The following MAP3K5 variants were observed in gnomAD, a reference collection of about 807,000 sequenced individuals.
The protein encoded by MAP3K5 is ASK-1.
In MAP3K5, 56 loss-of-function variants were observed where a neutral mutation model predicts 158.7. The ratio of observed to expected loss-of-function variants is 0.35; its 90% CI spans 0.28 to 0.44. The LOEUF (loss-of-function observed/expected upper bound fraction) is 0.44. Among genes scored for constraint, MAP3K5 ranks in the 20% least tolerant of loss-of-function variants. The probability of loss-of-function intolerance (pLI) is 1.00; values close to 1 mark genes in which losing one functional copy is unlikely to be tolerated. For synonymous variants in MAP3K5, 579 were observed against 601.7 expected (o/e 0.96, Z 0.55); for missense variants, 1,294 against 1,674.8 (o/e 0.77, Z 3.97).
At chr6:136,746,778 C>T (rs1170935142) in intron 1 of MAP3K5, among the ~76,000 whole-genome samples, 1 of 152,188 alleles carries the variant, frequency 6.6e-6, no homozygotes, top group African/African-American at 2.4e-5. Flanking sequence ...CTCTTCAGTA[C>T]CTCTGGTGGC....
rs779243516 is a variant in MAP3K5 at position 136,562,560 on chromosome 6, C to G, written c.3817G>C (p.Ala1273Pro). Residue 1273 changes from alanine (A) to proline (P), a missense_variant, in exon 27 of 30, where the codon GCT (alanine) becomes CCT (proline). Coordinates refer to ENST00000359015, the MANE Select transcript of MAP3K5 (RefSeq NM_005923.4). Reference protein sequence around the residue: ...EKELQALLHRAIEEKDQEIKH... With the variant: ...EKELQALLHRPIEEKDQEIKH... Reference sequence around the variant, plus strand: ...ATTTCTTGGTCTTTTTCTTCAATAGCTCGATGAAGGAGTGCTTGTAATTCT... The same window carrying G: ...ATTTCTTGGTCTTTTTCTTCAATAGGTCGATGAAGGAGTGCTTGTAATTCT... 6.2e-7 allele frequency: 1 copy of G among 1,604,466 alleles called. No homozygotes were observed. Among genetic ancestry groups the G allele is most frequent in the Non-Finnish European group, 8.5e-7 (1 of 1,175,616 alleles).
At chr6:136,666,130 G>A (rs1445103431) in intron 8 of MAP3K5, among the ~76,000 whole-genome samples, 1 of 152,196 alleles carries the variant, frequency 6.6e-6, no homozygotes, top group Non-Finnish European at 1.5e-5. Flanking sequence ...ATATGGCTCT[G>A]TGTTTTTAAA....
At chr6:136,573,567 A>G (rs1358451389) in intron 25 of MAP3K5, among the ~76,000 whole-genome samples, 1 of 152,230 alleles carries the variant, frequency 6.6e-6, no homozygotes, top group Non-Finnish European at 1.5e-5. Context: ...CAGTGACTGA[A>G]TCCAGTGGTA....
At chr6:136,632,925 T>C (rs540709637) in intron 14 of MAP3K5, among the ~76,000 whole-genome samples, 1 of 152,288 alleles carries the variant, frequency 6.6e-6, no homozygotes, top group Non-Finnish European at 1.5e-5. Flanking sequence ...CACGTCAAAA[T>C]ACATCCTTGA....
intron 1 of MAP3K5, among the ~76,000 whole-genome samples, chr6:136,738,862 T>C (rs1162281192): frequency 6.6e-6 from 1 of 151,990 alleles, no homozygotes; most frequent in Non-Finnish European, 1.5e-5. Context: ...CCAATGTTCA[T>C]GAAATCCCTA....
In MAP3K5 at chr6:136,703,582, G is replaced by T. The variant is rs189399457; in HGVS notation, c.612+1528C>A. On this transcript the variant is annotated intron_variant, in intron 3 of 29. Transcript: ENST00000359015. ...CCAATCAGTATTTGTTTAAAAAAACGTGTGAGATAAATTAAACAGTTTCAC... is the reference window on the plus strand; with the variant it reads ...CCAATCAGTATTTGTTTAAAAAAACTTGTGAGATAAATTAAACAGTTTCAC... Among the ~76,000 whole-genome samples, 99 of 151,680 alleles carry T rather than the reference G, an allele frequency of 6.5e-4. 1 individual carries two copies. In the Middle Eastern group the frequency reaches 0.01, roughly 16 times the overall value.
intron 18 of MAP3K5, among the ~76,000 whole-genome samples, chr6:136,606,815 G>A (rs1776120422): frequency 6.6e-6 from 1 of 152,186 alleles, no homozygotes; most frequent in African/African-American, 2.4e-5. Context: ...CCTCATGCAT[G>A]GTTTTAGGTG....
intron 1 of MAP3K5, among the ~76,000 whole-genome samples, chr6:136,787,702 C>A (rs984290745): frequency 6.6e-6 from 1 of 152,176 alleles, no homozygotes; most frequent in African/African-American, 2.4e-5. Flanking sequence ...TAACCCTGGT[C>A]AATTTTACAG....
chr6:136,650,246 G>C (rs187554199), intron 11 of MAP3K5, among the ~76,000 whole-genome samples: 2 of 152,172 alleles, frequency 1.3e-5, no homozygotes, highest in Admixed American at 6.5e-5. Flanking sequence ...GGCATTCTGG[G>C]AAACAGTTAC....
At chr6:136,641,510 A>T (rs10782261) in intron 12 of MAP3K5, among the ~76,000 whole-genome samples, 80,369 of 151,650 alleles carry the variant, frequency 0.53, 22,260 homozygotes, top group South Asian at 0.68. Flanking sequence ...TTCTTAAAAA[A>T]ATATATATAT....
At chr6:136,751,615 T>C (rs7755197) in intron 1 of MAP3K5, among the ~76,000 whole-genome samples, 17,407 of 152,226 alleles carry the variant, frequency 0.11, 2,305 homozygotes, top group African/African-American at 0.33. Context: ...TAATGTTTTA[T>C]GAAGTTTAAA....
At chr6:136,772,831 T>C (rs1032931710) in intron 1 of MAP3K5, among the ~76,000 whole-genome samples, 3 of 152,178 alleles carry the variant, frequency 2.0e-5, no homozygotes, top group African/African-American at 7.2e-5. Context: ...CAGGTTCCAG[T>C]TCCTATTCTT....
At position 136,601,207 on chromosome 6, in the gene MAP3K5, T is replaced by C. The variant is rs955995422; in HGVS notation, c.2858-165A>G. Among the ~76,000 whole-genome samples, 4 of 148,216 alleles carry C rather than the reference T, an allele frequency of 2.7e-5. No individual in the cohort carries two copies. In the East Asian group the frequency reaches 8.5e-4, roughly 31 times the overall value. ...AAACATCAAAAAACGCCAAGAACAA[T>C]TGGAACCTTTACTTTTTTTTCTGAG... On this transcript the variant is annotated intron_variant, in intron 20 of 29. Transcript: ENST00000359015.
At chr6:136,616,097 A>G (rs1776550587) in intron 15 of MAP3K5, among the ~76,000 whole-genome samples, 1 of 152,176 alleles carries the variant, frequency 6.6e-6, no homozygotes, top group Non-Finnish European at 1.5e-5. Context: ...AAGGGCACGT[A>G]TTAAAATGAG....
intron 8 of MAP3K5, 99 bp downstream of exon 8, chr6:136,669,184 G>T (rs1779360210): frequency 1.2e-6 from 1 of 818,058 alleles, no homozygotes; most frequent in Non-Finnish European, 2.1e-6. Context: ...AGTATGAAAA[G>T]ACAGAAAGCA....
At chr6:136,751,128 G>C (rs986247693) in intron 1 of MAP3K5, among the ~76,000 whole-genome samples, 3 of 145,436 alleles carry the variant, frequency 2.1e-5, no homozygotes, top group Admixed American at 6.9e-5. Context: ...GATAATCTCT[G>C]CTTCTCTGTG....
At chr6:136,727,590 T>G (rs1485088934) in intron 1 of MAP3K5, among the ~76,000 whole-genome samples, 1 of 152,246 alleles carries the variant, frequency 6.6e-6, no homozygotes, top group African/African-American at 2.4e-5. Context: ...GTATATTTCA[T>G]GAGTAAATGC....
chr6:136,759,875 T>C (rs1452978905), intron 1 of MAP3K5, among the ~76,000 whole-genome samples: 3 of 150,626 alleles, frequency 2.0e-5, no homozygotes, highest in South Asian at 2.1e-4. Context: ...TTAGTTCTTA[T>C]AGGTTTTGGG....
chr6:136,671,515 G>A (rs1202209109), intron 7 of MAP3K5, among the ~76,000 whole-genome samples: 5 of 152,184 alleles, frequency 3.3e-5, no homozygotes, highest in Non-Finnish European at 7.4e-5. Context: ...TATATCATTA[G>A]TATACCACTG....
Sources: gnomAD v4.1 joint callset for allele counts (sites outside exome capture counted in the v4.1 genomes callset) on GRCh38, gnomAD v4.1.1 for gene constraint, MANE v1.5 for transcripts, NCBI Gene and HGNC (gene_info 2026-07-23, HGNC 2026-07-21) for gene names.